The following SPATA20 variants were observed in gnomAD, a reference collection of about 807,000 sequenced individuals.
SPATA20 encodes the protein spermatogenesis associated 20, also known as spermatogenesis-associated protein 20.
A neutral mutation model predicts 98.9 loss-of-function variants in SPATA20; 74 were observed. The ratio of observed to expected loss-of-function variants is 0.75; its 90% confidence interval spans 0.62 to 0.91. SPATA20 has a LOEUF of 0.91. Ranked by LOEUF, SPATA20 falls within the 40% of genes least tolerant of loss-of-function variation. The probability of loss-of-function intolerance (pLI) is 0.00; values close to 1 mark genes in which losing one functional copy is unlikely to be tolerated. For missense variants in SPATA20, 1,016 were observed against 1,069.8 expected (o/e 0.95, Z 0.70); for synonymous variants, 430 against 440.5 (o/e 0.98, Z 0.30).
Position 50,550,880 on chromosome 17 carries a change from A to G in SPATA20, c.1346A>G (p.Tyr449Cys). The G allele has an allele frequency of 1.2e-6, 2 of 1,613,090 alleles. No individual in the cohort carries two copies. Among genetic ancestry groups the G allele is most frequent in the Non-Finnish European group, 8.5e-7 (1 of 1,180,016 alleles). The change falls in exon 11 of 17, where the codon TAC becomes TGC. Residue 449 changes from tyrosine (Y) to cysteine (C), a missense_variant. Transcript: ENST00000006658. ...TCAGGCCAGCTCCTCATGAAGCACTACGGCCTCACAGAGGCTGGTAACATC... is the reference window on the plus strand; with the variant it reads ...TCAGGCCAGCTCCTCATGAAGCACTGCGGCCTCACAGAGGCTGGTAACATC... Reference protein sequence around the residue: ...LTSGQLLMKHYGLTEAGNISP... With the variant: ...LTSGQLLMKHCGLTEAGNISP...
chr17:50,548,735 G>A, intron 4 of SPATA20, 75 bp from the exon 5 acceptor site: 1 of 1,593,276 alleles, frequency 6.3e-7, no homozygotes, highest in Non-Finnish European at 8.5e-7. Context: ...CGTCTTCCAT[G>A]TAGCCAGGGC....
In SPATA20 at chr17:50,548,406, C is replaced by A; in HGVS notation, c.249C>A (p.His83Gln). The change falls in exon 3 of 17, where the codon CAC becomes CAA. Residue 83 changes from histidine (H) to glutamine (Q), a missense_variant. His to Gln is a conservative substitution (Grantham distance 24). Transcript: ENST00000006658. ...AGAGGGTCCCCAACCGCCTGATCCA[C>A]GAGAAGTCACCATACCTCCTACAAC... ...TPQRVPNRLIHEKSPYLLQHA... is the reference protein window; with the variant it reads ...TPQRVPNRLIQEKSPYLLQHA... 6.2e-7 allele frequency: 1 copy of A among 1,614,022 alleles called. No individual in the cohort carries two copies. Among genetic ancestry groups the A allele is most frequent in the South Asian group, 1.1e-5 (1 of 91,074 alleles).
chr17:50,550,486 G>A, intron 9 of SPATA20, 50 bp from the exon 10 acceptor site: 2 of 1,559,634 alleles, frequency 1.3e-6, no homozygotes, highest in East Asian at 4.5e-5. Flanking sequence ...TTCCACCTGG[G>A]CCTCCCCAGT....
At chr17:50,555,187 C>T in intron 15 of SPATA20, 45 bp from the exon 16 acceptor site, 1 of 1,545,544 alleles carries the variant, frequency 6.5e-7, no homozygotes, top group Non-Finnish European at 8.9e-7. Context: ...AGGGCTCAGC[C>T]CTCCCTCCCC....
rs774544028 is a variant in SPATA20 at position 50,550,130 on chromosome 17, G to C, written c.993+15G>C. On this transcript the variant is annotated intron_variant, in intron 8 of 16. Transcript: ENST00000006658. Reference sequence around the variant, plus strand: ...ATGTGGGGCAGGTGACGGGCACTGGGTGTTCCCTGGAGGGGCAGCAGGGGG... The same window carrying C: ...ATGTGGGGCAGGTGACGGGCACTGGCTGTTCCCTGGAGGGGCAGCAGGGGG... 9.3e-6 allele frequency: 15 copies of C among 1,612,768 alleles called. No individual in the cohort carries two copies. Among genetic ancestry groups the C allele is most frequent in the Non-Finnish European group, 1.3e-5 (15 of 1,179,786 alleles).
At chr17:50,555,410 A>T in intron 16 of SPATA20, 82 bp from the exon 17 acceptor site, 1 of 1,593,090 alleles carries the variant, frequency 6.3e-7, no homozygotes, top group Non-Finnish European at 8.6e-7. Flanking sequence ...TGTTGGGAAG[A>T]GGGAACTTCC....
chr17:50,550,371 C>A, intron 9 of SPATA20, 59 bp downstream of exon 9: 2 of 1,431,070 alleles, frequency 1.4e-6, no homozygotes, highest in East Asian at 2.3e-5. Flanking sequence ...CCTCCCAAGG[C>A]CTTCCTGGTG....
rs2035103893 is a variant in SPATA20, at chr17:50,555,485, G to A, written c.2239-7G>A. 2 of 1,613,766 alleles carry A rather than the reference G, an allele frequency of 1.2e-6. No homozygotes were observed. Among genetic ancestry groups the A allele is most frequent in the Non-Finnish European group, 1.7e-6 (2 of 1,179,886 alleles). On this transcript the variant is annotated splice_region_variant and splice_polypyrimidine_tract_variant and intron_variant, in intron 16 of 16. Transcript: ENST00000006658. Reference sequence around the variant, plus strand: ...AGGTGACTCTCCCTGCTCTGCTGCTGCCCTAGGTGCTGATTCTGGCTGATG... The same window carrying A: ...AGGTGACTCTCCCTGCTCTGCTGCTACCCTAGGTGCTGATTCTGGCTGATG...
intron 2 of SPATA20, chr17:50,548,051 G>A: frequency 6.7e-7 from 1 of 1,490,308 alleles, no homozygotes. Context: ...AGGCCCAGGA[G>A]GTTGGGGGAG....
intron 7 of SPATA20, 64 bp from the exon 8 acceptor site, chr17:50,549,921 A>C: frequency 2.8e-5 from 42 of 1,507,402 alleles, no homozygotes; most frequent in Middle Eastern, 1.8e-4. Context: ...AGGCCTCCTG[A>C]CCACCCCGAT....
chr17:50,550,858 G>A lies in SPATA20; in HGVS notation c.1324G>A (p.Gly442Ser). ...GGGTGCCACCGAGCCGCTGACCTCA[G>A]GCCAGCTCCTCATGAAGCACTACGG... ...VLGATEPLTSGQLLMKHYGLT... is the reference protein window; with the variant it reads ...VLGATEPLTSSQLLMKHYGLT... The change falls in exon 11 of 17, where the codon GGC becomes AGC. Residue 442 changes from glycine (G) to serine (S), a missense_variant. Physicochemically the swap from Gly to Ser is moderately conservative, Grantham distance 56. Coordinates refer to ENST00000006658, the MANE Select transcript of SPATA20 (RefSeq NM_022827.4). 2 of 1,613,108 alleles carry A rather than the reference G, an allele frequency of 1.2e-6. No individual in the cohort carries two copies. The highest frequency in any genetic ancestry group is 1.7e-6 in the Non-Finnish European group (2 of 1,180,026).
intron 12 of SPATA20, 72 bp from the exon 13 acceptor site, chr17:50,551,439 A>T: frequency 6.7e-7 from 1 of 1,501,320 alleles, no homozygotes; most frequent in Non-Finnish European, 9.1e-7. Flanking sequence ...GTTGGGGCCT[A>T]AGGTGATAGG....
rs757924887 is a variant in SPATA20, at chr17:50,555,680, G to C, written c.*18G>C. Reference sequence around the variant, plus strand: ...ATCCATGACTGCCCCAACCCCCTTGGGGTGGGGCAGAAGGTGAAGCATCCC... The same window carrying C: ...ATCCATGACTGCCCCAACCCCCTTGCGGTGGGGCAGAAGGTGAAGCATCCC... On this transcript the variant is annotated 3_prime_UTR_variant, in exon 17 of 17. Transcript: ENST00000006658. 10 of 1,605,108 alleles carry C rather than the reference G, an allele frequency of 6.2e-6. No homozygotes were observed. The highest frequency in any genetic ancestry group is 7.7e-6 in the Non-Finnish European group (9 of 1,176,368).
chr17:50,547,714 C>T lies in SPATA20; in HGVS notation c.78-6C>T, dbSNP rs754285249. 7.7e-6 allele frequency: 6 copies of T among 781,194 alleles called. 1 individual carries two copies. The highest frequency in any genetic ancestry group is 6.7e-5 in the South Asian group (5 of 74,622). 48.4% of individuals were successfully genotyped at this position (781,194 alleles called of 1,614,324 possible). On this transcript the variant is annotated splice_region_variant and splice_polypyrimidine_tract_variant and intron_variant, in intron 1 of 16. Transcript: ENST00000006658. ...GCTGAACTCCCTGAGGTCTCTGATTCCCTAGGTGTCCTGGAGTCTGGCCCA... is the reference window on the plus strand; with the variant it reads ...GCTGAACTCCCTGAGGTCTCTGATTTCCTAGGTGTCCTGGAGTCTGGCCCA...
rs138212270 is a variant in SPATA20 at position 50,552,015 on chromosome 17, C to T, written c.1792C>T (p.Arg598Trp). ...CCTGGAGGACTACGCCTTCGTGGTG[C>T]GGGGCCTGCTGGACCTGTATGAGGC... The part of the protein sequence containing the change: ...GFLEDYAFVV[R>W]GLLDLYEASQ... Residue 598 changes from arginine to tryptophan, a missense_variant, in exon 14 of 17, where the codon CGG becomes TGG. Coordinates refer to ENST00000006658, the MANE Select transcript of SPATA20 (RefSeq NM_022827.4). The T allele has an allele frequency of 1.7e-5, 27 of 1,612,614 alleles. No homozygotes were observed. The highest frequency in any genetic ancestry group is 8.9e-5 in the East Asian group (4 of 44,862).
intron 14 of SPATA20, among the ~76,000 whole-genome samples, chr17:50,553,556 C>T (rs533810753): frequency 1.7e-4 from 17 of 98,598 alleles, no homozygotes; most frequent in African/African-American, 5.3e-4. Flanking sequence ...GCACGGAAGC[C>T]GTCTTTTTTT....
At chr17:50,548,152 G>A in intron 2 of SPATA20, 131 bp from the exon 3 acceptor site, 1 of 1,492,210 alleles carries the variant, frequency 6.7e-7, no homozygotes, top group Non-Finnish European at 8.9e-7. Flanking sequence ...CTCCCCCATG[G>A]TTCAGAAAGG....
chr17:50,548,831 G>A lies in SPATA20; in HGVS notation c.383G>A (p.Trp128Ter). ...TCAGTCGGGTACTCCACCTGCCACT[G>A]GTGCCACATGATGGAAGAGGAGTCC... The part of the protein sequence containing the change: ...FLSVGYSTCH[W>*]CHMMEEESFQ... The change falls in exon 5 of 17, where the codon TGG (tryptophan) becomes TAG (stop). Residue 128 changes from tryptophan to a stop codon, truncating the protein, a stop_gained. Transcript: ENST00000006658. LOFTEE classifies it high-confidence loss of function. 3 of 1,613,874 alleles carry A rather than the reference G, an allele frequency of 1.9e-6. No individual in the cohort carries two copies. The highest frequency in any genetic ancestry group is 2.5e-6 in the Non-Finnish European group (3 of 1,179,860).
Sources: gnomAD v4.1 joint callset for allele counts (sites outside exome capture counted in the v4.1 genomes callset) on GRCh38, gnomAD v4.1.1 for gene constraint, MANE v1.5 for transcripts, NCBI Gene and HGNC (gene_info 2026-07-23, HGNC 2026-07-21) for gene names.